Variants in KPNA1 observed in about 807,000 individuals in gnomAD.
KPNA1 encodes the protein importin subunit alpha-5.
KPNA1 carries 10 observed loss-of-function variants against 70.5 expected under a neutral mutation model. The observed-to-expected ratio is 0.14, with a 90% confidence interval of 0.09 to 0.24. KPNA1 has a LOEUF of 0.24. Ranked by LOEUF, KPNA1 falls within the 10% of genes least tolerant of loss-of-function variation. The probability of loss-of-function intolerance (pLI) is 1.00; values close to 1 mark genes in which losing one functional copy is unlikely to be tolerated. For synonymous variants in KPNA1, 192 were observed against 221.9 expected (o/e 0.87, Z 1.20); for missense variants, 397 against 637.9 (o/e 0.62, Z 4.07).
chr3:122,500,162 C>G (rs1402288335), intron 1 of KPNA1, among the ~76,000 whole-genome samples: 2 of 152,070 alleles, frequency 1.3e-5, no homozygotes, highest in African/African-American at 2.4e-5. Flanking sequence ...CACTCTGTTG[C>G]CCAGGCTGGA....
At chr3:122,495,194 G>A (rs571411753) in intron 2 of KPNA1, among the ~76,000 whole-genome samples, 6 of 143,846 alleles carry the variant, frequency 4.2e-5, no homozygotes, top group South Asian at 2.2e-4. Context: ...AGGTTGCAGC[G>A]AGCCAAGATC....
chr3:122,494,039 G>A (rs1015667741), intron 2 of KPNA1, among the ~76,000 whole-genome samples: 1 of 151,760 alleles, frequency 6.6e-6, no homozygotes, highest in African/African-American at 2.4e-5. Flanking sequence ...GTTCCTTGTA[G>A]ATTCTGAACA....
intron 5 of KPNA1, chr3:122,460,141 G>A: frequency 1.0e-6 from 1 of 985,296 alleles, no homozygotes; most frequent in African/African-American, 1.7e-5. Flanking sequence ...AAGCCTTTGA[G>A]ATTAGATCCT....
chr3:122,436,904 C>T (rs1323490479), intron 11 of KPNA1, among the ~76,000 whole-genome samples: 4 of 152,086 alleles, frequency 2.6e-5, no homozygotes, highest in Admixed American at 2.6e-4. Flanking sequence ...CAGCCTCCCG[C>T]GTAGCTGGGA....
chr3:122,476,876 AAAAAAAAACT>A (rs1254227777), intron 2 of KPNA1, among the ~76,000 whole-genome samples: 20 of 150,452 alleles, frequency 1.3e-4, no homozygotes, highest in African/African-American at 4.4e-4. Flanking sequence ...AAAAAAAAAA[AAAAAAAAACT>A]AAAAAAAGAA....
chr3:122,446,947 A>G (rs1171757339), intron 9 of KPNA1, among the ~76,000 whole-genome samples: 1 of 152,230 alleles, frequency 6.6e-6, no homozygotes, highest in African/African-American at 2.4e-5. Flanking sequence ...CTGGACACAT[A>G]CACCCTCCCA....
At chr3:122,492,384 C>G (rs2076710509) in intron 2 of KPNA1, among the ~76,000 whole-genome samples, 1 of 152,222 alleles carries the variant, frequency 6.6e-6, no homozygotes, top group Admixed American at 6.5e-5. Flanking sequence ...AAAATAGAAA[C>G]ATGGTTTGTA....
At chr3:122,511,703 A>G (rs1436852265) in intron 1 of KPNA1, among the ~76,000 whole-genome samples, 1 of 152,262 alleles carries the variant, frequency 6.6e-6, no homozygotes, top group Non-Finnish European at 1.5e-5. Context: ...TTTCTTCCCT[A>G]TTATGGCTAA....
At chr3:122,463,918 A>G in intron 4 of KPNA1, 24 bp downstream of exon 4, 1 of 1,345,362 alleles carries the variant, frequency 7.4e-7, no homozygotes, top group Non-Finnish European at 1.1e-6. Flanking sequence ...ATGAAAAAAT[A>G]TACTGAACAT....
Position 122,426,854 on chromosome 3 carries a change from G to C in KPNA1, c.*131C>G. 1.5e-6 allele frequency: 1 copy of C among 670,096 alleles called. No homozygotes were observed. 41.5% of individuals were successfully genotyped at this position (670,096 alleles called of 1,614,324 possible). ...GTGTGTAAGAGAGCAGGTGCGCAAG[G>C]CAAGCAAATGAGCGCAAACAGTATT... On this transcript the variant is annotated 3_prime_UTR_variant, in exon 14 of 14. Coordinates refer to ENST00000344337, the MANE Select transcript of KPNA1 (RefSeq NM_002264.4).
chr3:122,477,331 G>C (rs936022787), intron 2 of KPNA1, among the ~76,000 whole-genome samples: 2 of 152,188 alleles, frequency 1.3e-5, no homozygotes, highest in African/African-American at 2.4e-5. Context: ...GTTAGGAAGA[G>C]TAAGTTCAAG....
At chr3:122,466,265 G>A (rs1485578816) in intron 3 of KPNA1, among the ~76,000 whole-genome samples, 1 of 151,920 alleles carries the variant, frequency 6.6e-6, no homozygotes, top group Non-Finnish European at 1.5e-5. Context: ...AGGTGGGGGA[G>A]AGGAGAACAT....
At chr3:122,447,930 C>A (rs11712614) in intron 9 of KPNA1, among the ~76,000 whole-genome samples, 35,549 of 151,438 alleles carry the variant, frequency 0.23, 5,045 homozygotes, top group Admixed American at 0.34. Flanking sequence ...GAAAAAAAAA[C>A]CCCCTCAAAA....
intron 12 of KPNA1, among the ~76,000 whole-genome samples, chr3:122,428,274 A>G (rs572921533): frequency 3.3e-5 from 5 of 152,230 alleles, no homozygotes; most frequent in Non-Finnish European, 7.3e-5. Context: ...AGACATGATT[A>G]CTGTATCACA....
chr3:122,498,116 T>C (rs1264252979), intron 1 of KPNA1, among the ~76,000 whole-genome samples: 9 of 152,204 alleles, frequency 5.9e-5, no homozygotes, highest in Non-Finnish European at 5.9e-5. Context: ...GTCCCAACAA[T>C]ACTTGTTGAA....
At chr3:122,427,783 C>A in intron 12 of KPNA1, 67 bp from the exon 13 acceptor site, 2 of 1,063,866 alleles carry the variant, frequency 1.9e-6, no homozygotes, top group Non-Finnish European at 1.3e-6. Flanking sequence ...AATTAGTGAG[C>A]AAGTCATCCT....
At chr3:122,433,158 A>G (rs1278235895) in intron 12 of KPNA1, 3 of 152,374 alleles carry the variant, frequency 2.0e-5, no homozygotes, top group African/African-American at 7.2e-5. Context: ...CAAGAATACC[A>G]TAGTACTTTA....
At chr3:122,459,670 T>C (rs1172264970) in intron 5 of KPNA1, 1 of 985,410 alleles carries the variant, frequency 1.0e-6, no homozygotes, top group Non-Finnish European at 1.2e-6. Flanking sequence ...AGAATTACAA[T>C]CCAGGAGGCA....
At position 122,428,984 on chromosome 3, in the gene KPNA1, TATCAA is replaced by T. The variant is rs2075861540; in HGVS notation, c.1251-1273_1251-1269del. Among the ~76,000 whole-genome samples, 5 of 152,066 alleles carry T rather than the reference TATCAA, an allele frequency of 3.3e-5. No individual in the cohort carries two copies. The South Asian group carries it at 1.0e-3, about 32-fold the overall frequency. On this transcript the variant is annotated intron_variant, in intron 12 of 13. Coordinates refer to ENST00000344337, the MANE Select transcript of KPNA1 (RefSeq NM_002264.4). ...AATACAAAAATCCTCAACAAAACAT[TATCAA>T]ATCAAATCCAAGAATGTATACAAAG...
Sources: allele counts gnomAD v4.1 joint callset (sites outside exome capture counted in the v4.1 genomes callset), GRCh38; gene constraint gnomAD v4.1.1; transcripts MANE v1.5; gene names NCBI Gene and HGNC (gene_info 2026-07-23, HGNC 2026-07-21).